Variants in GATM observed in about 807,000 individuals in gnomAD.
GATM encodes the protein glycine amidinotransferase.
Under a neutral mutation model 54.2 loss-of-function variants are expected in GATM, and 23 were observed. The observed-to-expected ratio is 0.42, with a 90% CI of 0.31 to 0.60. GATM has a LOEUF of 0.60. GATM is among the 20% of genes least tolerant of loss of function. The pLI is 0.14. For synonymous variants in GATM, 168 were observed against 183.1 expected, an observed-to-expected ratio of 0.92 and a Z score of 0.67; for missense variants, 401 against 544.9, an observed-to-expected ratio of 0.74 and a Z score of 2.63.
intron 2 of GATM, 84 bp downstream of exon 2, chr15:45,376,517 A>G: frequency 8.8e-7 from 1 of 1,139,668 alleles, no homozygotes; most frequent in South Asian, 1.2e-5. Flanking sequence ...GTCTGGGAGT[A>G]AGCTGAAGGG....
At chr15:45,367,299 C>T (rs1336102724) in intron 4 of GATM, among the ~76,000 whole-genome samples, 2 of 151,626 alleles carry the variant, frequency 1.3e-5, no homozygotes, top group Non-Finnish European at 2.9e-5. Context: ...CGAGATCACG[C>T]CACTGCACTC....
At chr15:45,366,675 CA>C (rs1269319596) in intron 4 of GATM, among the ~76,000 whole-genome samples, 167 bp from the exon 5 acceptor site, 2 of 152,040 alleles carry the variant, frequency 1.3e-5, no homozygotes, top group Admixed American at 1.3e-4. Context: ...ATAAATAAAC[CA>C]AAACAACAAT....
exon 1 of GATM, chr15:45,402,189 G>T: frequency 1.8e-6 from 1 of 540,702 alleles, no homozygotes; most frequent in Non-Finnish European, 3.1e-6. Context: ...AGACCATCTC[G>T]GGAAAGCTCT....
chr15:45,369,675 G>A, intron 2 of GATM, 154 bp from the exon 3 acceptor site: 1 of 693,556 alleles, frequency 1.4e-6, no homozygotes, highest in Non-Finnish European at 2.6e-6. Flanking sequence ...GAGCACATAA[G>A]CCCTCTGGGC....
chr15:45,367,315 T>C (rs1024230642), intron 4 of GATM, among the ~76,000 whole-genome samples: 1 of 147,566 alleles, frequency 6.8e-6, no homozygotes, highest in African/African-American at 2.6e-5. Context: ...CACTCCAGTC[T>C]GGGTGACAGA....
Position 45,376,589 on chromosome 15 carries a change from G to C in GATM, c.288+12C>G. The C allele has an allele frequency of 6.2e-7, 1 of 1,612,350 alleles. No individual in the cohort carries two copies. Among genetic ancestry groups the C allele is most frequent in the Non-Finnish European group, 8.5e-7 (1 of 1,178,404 alleles). On this transcript the variant is annotated intron_variant, in intron 2 of 8. Transcript: ENST00000396659. ...GAGCGCACTTTCAGACATGTGAATA[G>C]CCTTCCTTTACCTTCACCTCGATGG... is the stretch of plus-strand genomic sequence containing the variant.
Position 45,361,791 on chromosome 15 carries a change from T to C in GATM, c.*318A>G, listed in dbSNP as rs1889368940. 2.0e-6 allele frequency: 1 copy of C among 488,334 alleles called. No individual in the cohort carries two copies. Among genetic ancestry groups the C allele is most frequent in the Admixed American group, 3.7e-5 (1 of 26,910 alleles). 30.3% of individuals were successfully genotyped at this position (488,334 alleles called of 1,614,324 possible). A position where few individuals can be genotyped will look rare whatever the true frequency, so the allele number is the denominator to read the frequency against. Reference sequence around the variant, plus strand: ...TTCAAGCTGCCTTTTGGAAAGAAAATTAAAAACAGAGGTAGATGGTTAATT... The same window carrying C: ...TTCAAGCTGCCTTTTGGAAAGAAAACTAAAAACAGAGGTAGATGGTTAATT... On this transcript the variant is annotated 3_prime_UTR_variant, in exon 9 of 9. Coordinates refer to ENST00000396659, the MANE Select transcript of GATM (RefSeq NM_001482.3).
chr15:45,383,037 T>A (rs1889760873), upstream of GATM, among the ~76,000 whole-genome samples: 1 of 152,160 alleles, frequency 6.6e-6, no homozygotes, highest in Non-Finnish European at 1.5e-5. Flanking sequence ...GGCTGTTGGC[T>A]CCTTAAGGAC....
At chr15:45,392,827 C>T (rs1889886919) in intron 3 of GATM, among the ~76,000 whole-genome samples, 1 of 152,150 alleles carries the variant, frequency 6.6e-6, no homozygotes. Flanking sequence ...CTCTGTTGAG[C>T]CCTGGAAGAT....
intron 2 of GATM, among the ~76,000 whole-genome samples, chr15:45,374,313 C>T (rs1595485097): frequency 2.6e-5 from 4 of 152,284 alleles, no homozygotes; most frequent in African/African-American, 9.6e-5. Context: ...ACAAAGAACT[C>T]AAAATTACCT....
At chr15:45,392,369 G>A (rs764040839) in intron 3 of GATM, among the ~76,000 whole-genome samples, 2 of 152,204 alleles carry the variant, frequency 1.3e-5, no homozygotes, top group Non-Finnish European at 2.9e-5. Flanking sequence ...GTGTATGCAC[G>A]TGCGTGTGCG....
At chr15:45,365,686 C>T (rs1889437159) in intron 6 of GATM, among the ~76,000 whole-genome samples, 1 of 152,322 alleles carries the variant, frequency 6.6e-6, no homozygotes, top group East Asian at 1.9e-4. Flanking sequence ...AGTGGCATTG[C>T]CCTGGCCATG....
intron 3 of GATM, among the ~76,000 whole-genome samples, chr15:45,385,479 T>A (rs908111404): frequency 6.6e-6 from 1 of 152,230 alleles, no homozygotes; most frequent in Non-Finnish European, 1.5e-5. Context: ...TCTTAATATT[T>A]CTTAAGTGAA....
chr15:45,383,089 C>T (rs1889762371), upstream of GATM, among the ~76,000 whole-genome samples: 1 of 152,186 alleles, frequency 6.6e-6, no homozygotes. Context: ...TAGCACAGTG[C>T]CTGACACAGC....
intron 1 of GATM, chr15:45,378,178 T>A (rs777432131): frequency 4.2e-6 from 2 of 478,246 alleles, no homozygotes; most frequent in East Asian, 3.6e-5. Flanking sequence ...TCCCCCTGAC[T>A]GGGGGACGCC....
intron 2 of GATM, among the ~76,000 whole-genome samples, chr15:45,398,898 T>TA (rs1253579135): frequency 2.0e-5 from 3 of 152,142 alleles, no homozygotes; most frequent in African/African-American, 7.2e-5. Context: ...ACATATATAA[T>TA]ATGCTGAAGG....
At chr15:45,366,534 A>G in intron 4 of GATM, 26 bp from the exon 5 acceptor site, 1 of 1,613,268 alleles carries the variant, frequency 6.2e-7, no homozygotes, top group South Asian at 1.1e-5. Flanking sequence ...ATGAACACAC[A>G]CAATGCACTG....
In GATM at chr15:45,378,507, C is replaced by G. The variant is rs984908086; in HGVS notation, c.-54G>C. The G allele has an allele frequency of 7.8e-7, 1 of 1,287,834 alleles. No homozygotes were observed. The highest frequency in any genetic ancestry group is 9.9e-7 in the Non-Finnish European group (1 of 1,011,510). The allele number at this position is 1,287,834 out of a possible 1,614,324, so 79.8% of individuals were successfully genotyped here. On this transcript the variant is annotated 5_prime_UTR_variant, in exon 1 of 9. Coordinates refer to ENST00000396659, the MANE Select transcript of GATM (RefSeq NM_001482.3). ...AATGTTCCTGGCCTCTGGGCCGCGTCGGTCCAAGCCTTCCCGAGAGCGCGC... is the reference window on the plus strand; with the variant it reads ...AATGTTCCTGGCCTCTGGGCCGCGTGGGTCCAAGCCTTCCCGAGAGCGCGC...
intron 3 of GATM, among the ~76,000 whole-genome samples, chr15:45,383,637 C>A (rs1595488144): frequency 6.6e-6 from 1 of 151,906 alleles, no homozygotes; most frequent in Non-Finnish European, 1.5e-5. Context: ...CTCTGTTGCC[C>A]AGGCTGGAGT....
Sources: gnomAD v4.1 joint callset for allele counts (sites outside exome capture counted in the v4.1 genomes callset) on GRCh38, gnomAD v4.1.1 for gene constraint, MANE v1.5 for transcripts, NCBI Gene and HGNC (gene_info 2026-07-23, HGNC 2026-07-21) for gene names.